Variants in MDGA2 observed in about 807,000 individuals in gnomAD.
MDGA2 encodes MAM domain-containing glycosylphosphatidylinositol anchor protein 2.
A neutral mutation model predicts 117.8 loss-of-function variants in MDGA2; 40 were observed. That is an observed-to-expected ratio of 0.34 (90% CI 0.26 to 0.44). The LOEUF (loss-of-function observed/expected upper bound fraction) is 0.44. Ranked by LOEUF, MDGA2 falls within the 20% of genes least tolerant of loss-of-function variation. The pLI, the probability that MDGA2 is intolerant of heterozygous loss-of-function variation, is 1.00. For synonymous variants in MDGA2, 452 were observed against 439.0 expected, an observed-to-expected ratio of 1.03 and a Z score of -0.37; for missense variants, 1,123 against 1,250.6, an observed-to-expected ratio of 0.90 and a Z score of 1.54.
At chr14:47,529,757 G>GT (rs1308909047) in intron 1 of MDGA2, among the ~76,000 whole-genome samples, 2 of 152,122 alleles carry the variant, frequency 1.3e-5, no homozygotes, top group Non-Finnish European at 2.9e-5. Flanking sequence ...ATGGGTAGGG[G>GT]TAAGTTACAT....
intron 10 of MDGA2, among the ~76,000 whole-genome samples, chr14:46,882,684 A>G (rs2138393122): frequency 6.6e-6 from 1 of 152,028 alleles, no homozygotes; most frequent in South Asian, 2.1e-4. Context: ...AAGTTTATTA[A>G]AAAGAGAGGC....
intron 6 of MDGA2, among the ~76,000 whole-genome samples, chr14:47,092,424 A>C (rs750816231): frequency 1.2e-4 from 19 of 152,154 alleles, no homozygotes; most frequent in Non-Finnish European, 2.5e-4. Flanking sequence ...AGAAAGTGGA[A>C]GAAATCTCAA....
intron 14 of MDGA2, among the ~76,000 whole-genome samples, chr14:46,863,482 T>A (rs1331366721): frequency 6.6e-6 from 1 of 152,192 alleles, no homozygotes; most frequent in Non-Finnish European, 1.5e-5. Flanking sequence ...AATTCAAACC[T>A]AAGGGTAAAA....
chr14:47,359,747 TCA>T (rs1491459362), intron 1 of MDGA2, among the ~76,000 whole-genome samples: 8 of 27,526 alleles, frequency 2.9e-4, no homozygotes, highest in Admixed American at 6.8e-4. Context: ...CAAGACTGTC[TCA>T]AAAAAAAAAA....
chr14:47,155,873 T>TTTC (rs1478151626), intron 3 of MDGA2, among the ~76,000 whole-genome samples: 5,047 of 105,664 alleles, frequency 0.048, 190 homozygotes, highest in East Asian at 0.11. Context: ...ATTCTTTTCT[T>TTTC]TTCTTCTTCT....
chr14:47,069,641 A>G (rs6572400), intron 6 of MDGA2, among the ~76,000 whole-genome samples: 148,491 of 152,294 alleles, frequency 0.98, 72,414 homozygotes, highest in East Asian at 1. Flanking sequence ...TGCCGTAATT[A>G]GAAGCCATGG....
rs1369570410 is a variant in MDGA2 at position 46,841,981 on chromosome 14, A to G, written c.3028T>C (p.Trp1010Arg). ...ATGAGGACGATAATGGGAAAAAGCC[A>G]TATATGAACCAAAATCCCAACAGCA... ...DGAVGILVHI[W>R]LFPIIVLISI... The change falls in exon 17 of 17, where the codon TGG becomes CGG. Residue 1010 changes from tryptophan (W) to arginine (R), a missense_variant. Physicochemically the swap from Trp to Arg is moderately radical, Grantham distance 101. This residue lies in a region of MDGA2 where 890 missense variants were observed against 1,050.3 expected (regional missense o/e 0.85). Coordinates refer to ENST00000399232, the MANE Select transcript of MDGA2 (RefSeq NM_001113498.3). The G allele has an allele frequency of 1.2e-6, 2 of 1,612,744 alleles. No individual in the cohort carries two copies. Among genetic ancestry groups the G allele is most frequent in the African/African-American group, 2.7e-5 (2 of 74,848 alleles).
At chr14:47,254,938 A>C (rs147590544) in intron 2 of MDGA2, among the ~76,000 whole-genome samples, 16 of 152,328 alleles carry the variant, frequency 1.1e-4, no homozygotes, top group Admixed American at 9.8e-4. Context: ...CAAAGGGGGA[A>C]GTCCCTTGTA....
chr14:46,916,195 G>C (rs914050641), intron 10 of MDGA2, among the ~76,000 whole-genome samples: 1 of 152,040 alleles, frequency 6.6e-6, no homozygotes, highest in Non-Finnish European at 1.5e-5. Context: ...AACTTTGCCT[G>C]TTCTCATTAA....
intron 2 of MDGA2, among the ~76,000 whole-genome samples, chr14:47,272,352 T>C (rs1365405833): frequency 3.3e-5 from 5 of 152,108 alleles, no homozygotes; most frequent in Admixed American, 2.0e-4. Flanking sequence ...TGTGGGTGAA[T>C]GGCCAAGCTA....
chr14:47,543,677 T>C (rs1895398653), intron 1 of MDGA2, among the ~76,000 whole-genome samples: 1 of 152,236 alleles, frequency 6.6e-6, no homozygotes, highest in Non-Finnish European at 1.5e-5. Context: ...TCATGCACCC[T>C]GCTAGAGGTA....
intron 6 of MDGA2, among the ~76,000 whole-genome samples, chr14:47,086,263 G>A (rs1046603262): frequency 1.3e-5 from 2 of 151,934 alleles, no homozygotes; most frequent in South Asian, 4.2e-4. Flanking sequence ...AAAGTAAAAA[G>A]AAGAAGAGAA....
chr14:47,599,815 C>T (rs188725927), intron 1 of MDGA2, among the ~76,000 whole-genome samples: 1 of 152,226 alleles, frequency 6.6e-6, no homozygotes, highest in East Asian at 1.9e-4. Flanking sequence ...ATGGATTATT[C>T]TGTGTCATCG....
chr14:47,149,017 C>A (rs993064355), intron 3 of MDGA2, among the ~76,000 whole-genome samples: 2 of 152,134 alleles, frequency 1.3e-5, no homozygotes, highest in African/African-American at 2.4e-5. Flanking sequence ...TGGCTGGGCA[C>A]AGTGGATCAT....
chr14:47,592,556 G>A (rs1896461269), intron 1 of MDGA2, among the ~76,000 whole-genome samples: 1 of 151,994 alleles, frequency 6.6e-6, no homozygotes, highest in Non-Finnish European at 1.5e-5. Flanking sequence ...CAATGGGATG[G>A]AATAGAGATC....
intron 3 of MDGA2, among the ~76,000 whole-genome samples, chr14:47,205,051 G>A (rs918202557): frequency 6.6e-6 from 1 of 151,714 alleles, no homozygotes; most frequent in Admixed American, 6.6e-5. Context: ...AATGACAAAT[G>A]ATATATACAG....
At chr14:47,166,327 C>T (rs553670016) in intron 3 of MDGA2, among the ~76,000 whole-genome samples, 2 of 152,160 alleles carry the variant, frequency 1.3e-5, no homozygotes, top group East Asian at 3.9e-4. Context: ...AGCCATGGCG[C>T]CCCACCACTG....
At chr14:47,529,892 C>A (rs1895058243) in intron 1 of MDGA2, among the ~76,000 whole-genome samples, 3 of 152,150 alleles carry the variant, frequency 2.0e-5, no homozygotes, top group Admixed American at 6.5e-5. Flanking sequence ...TTCCTGTTTG[C>A]CATAGTGGTT....
intron 1 of MDGA2, among the ~76,000 whole-genome samples, chr14:47,597,877 C>CAT (rs903050634): frequency 6.7e-6 from 1 of 148,424 alleles, no homozygotes; most frequent in Admixed American, 6.7e-5. Flanking sequence ...CACACACACA[C>CAT]ACACACAAAA....
Sources: allele counts gnomAD v4.1 joint callset (sites outside exome capture counted in the v4.1 genomes callset), GRCh38; gene constraint gnomAD v4.1.1; regional missense constraint gnomAD v4.1.1; transcripts MANE v1.5; gene names NCBI Gene and HGNC (gene_info 2026-07-23, HGNC 2026-07-21).